Variants in STK32B observed in about 807,000 individuals in gnomAD.
The protein encoded by STK32B is serine/threonine kinase 32B, also known as serine/threonine-protein kinase 32B.
A neutral mutation model predicts 52.6 loss-of-function variants in STK32B; 43 were observed. The ratio of observed to expected loss-of-function variants is 0.82; its 90% confidence interval spans 0.64 to 1.05. The LOEUF is 1.05. STK32B is among the 50% of genes least tolerant of loss of function. The probability of loss-of-function intolerance (pLI) is 0.00; values close to 1 mark genes in which losing one functional copy is unlikely to be tolerated. For synonymous variants in STK32B, 238 were observed against 204.3 expected (o/e 1.17, Z -1.41); for missense variants, 621 against 534.6 (o/e 1.16, Z -1.59).
intron 3 of STK32B, among the ~76,000 whole-genome samples, chr4:5,210,594 G>C (rs1722848693): frequency 6.6e-6 from 1 of 152,024 alleles, no homozygotes; most frequent in African/African-American, 2.4e-5. Flanking sequence ...TCCCTTACTA[G>C]ACTTCAAATT....
Position 5,485,487 on chromosome 4 carries a change from G to A in STK32B, c.1107-13458G>A, listed in dbSNP as rs181683168. Among the ~76,000 whole-genome samples the A allele has an allele frequency of 1.1e-3, 170 of 152,166 alleles. 1 individual carries two copies. Among genetic ancestry groups the A allele is most frequent in the African/African-American group, 3.7e-3 (155 of 41,508 alleles). On this transcript the variant is annotated intron_variant, in intron 11 of 11. Coordinates refer to ENST00000282908, the MANE Select transcript of STK32B (RefSeq NM_018401.3). ...TATTGGTTATTCTACTTAGCCATTC[G>A]TCTAATTTTTTTCAAGGTTTTTAAC...
chr4:5,466,762 GCCA>G lies in STK32B; in HGVS notation c.971_973del (p.Pro324del), dbSNP rs767753269. 1 of 1,614,074 alleles carries G rather than the reference GCCA, an allele frequency of 6.2e-7. No individual in the cohort carries two copies. Among genetic ancestry groups the G allele is most frequent in the Non-Finnish European group, 8.5e-7 (1 of 1,179,980 alleles). ...TTGAAGAGATGATTCTAGAATCCAA[GCCA>G]CTTCACAAAAAGAAGAAGCGATTGG... On this transcript the variant is annotated inframe_deletion, in exon 10 of 12. Coordinates refer to ENST00000282908, the MANE Select transcript of STK32B (RefSeq NM_018401.3).
intron 3 of STK32B, among the ~76,000 whole-genome samples, chr4:5,279,693 C>T (rs1427769112): frequency 3.9e-5 from 6 of 152,152 alleles, no homozygotes; most frequent in African/African-American, 9.7e-5. Context: ...ATGAGGGCTC[C>T]GCCAGGTGTT....
At chr4:5,093,798 T>C (rs1027991313) in intron 1 of STK32B, among the ~76,000 whole-genome samples, 2 of 152,244 alleles carry the variant, frequency 1.3e-5, no homozygotes, top group African/African-American at 4.8e-5. Flanking sequence ...AATAGTGATC[T>C]CTTGTAGTTC....
rs574468939 is a variant in STK32B at position 5,488,925 on chromosome 4, ATTC to A, written c.1107-10017_1107-10015del. On this transcript the variant is annotated intron_variant, in intron 11 of 11. Transcript: ENST00000282908. The stretch of plus-strand genomic sequence containing the variant: ...GAATATATTTTATGTCTGTCTTATA[ATTC>A]TTATTAAAAACTTCATATTTTTATA... 3.6e-3 allele frequency among the ~76,000 whole-genome samples: 543 copies of A among 152,172 alleles called. 8 individuals carry two copies. The highest frequency in any genetic ancestry group is 0.012 in the African/African-American group (513 of 41,570).
intron 6 of STK32B, among the ~76,000 whole-genome samples, chr4:5,422,390 A>C (rs1043280003): frequency 6.6e-6 from 1 of 152,210 alleles, no homozygotes; most frequent in Non-Finnish European, 1.5e-5. Context: ...AATGTTCCCA[A>C]CACAGATTCA....
chr4:5,249,922 A>G (rs928163552), intron 3 of STK32B, among the ~76,000 whole-genome samples: 2 of 152,154 alleles, frequency 1.3e-5, no homozygotes, highest in African/African-American at 4.8e-5. Context: ...CCCACCCTCA[A>G]GGAGGCGCTG....
chr4:5,149,793 G>A (rs1717197130), intron 2 of STK32B, among the ~76,000 whole-genome samples: 1 of 151,698 alleles, frequency 6.6e-6, no homozygotes, highest in Non-Finnish European at 1.5e-5. Flanking sequence ...TAAAAATTAG[G>A]AGGAAAATAG....
intron 4 of STK32B, among the ~76,000 whole-genome samples, chr4:5,338,134 G>A (rs1732828182): frequency 6.6e-6 from 1 of 152,332 alleles, no homozygotes; most frequent in Admixed American, 6.5e-5. Context: ...AACAAAATGT[G>A]TTTGTAAAAG....
At chr4:5,054,914 A>G (rs1428512775) in intron 1 of STK32B, among the ~76,000 whole-genome samples, 1 of 152,190 alleles carries the variant, frequency 6.6e-6, no homozygotes, top group Non-Finnish European at 1.5e-5. Flanking sequence ...CGCTCACATG[A>G]TATATAATAA....
At chr4:5,299,497 A>T (rs1024066303) in intron 3 of STK32B, among the ~76,000 whole-genome samples, 1 of 152,020 alleles carries the variant, frequency 6.6e-6, no homozygotes, top group African/African-American at 2.4e-5. Flanking sequence ...TACCCAATTT[A>T]TCCAGCACCA....
rs552296428 is a variant in STK32B at position 5,182,461 on chromosome 4, T to C, written c.260+14011T>C. Among the ~76,000 whole-genome samples the C allele has an allele frequency of 1.0e-3, 152 of 152,074 alleles. 2 individuals are homozygous for C. Among genetic ancestry groups the C allele is most frequent in the South Asian group, 1.0e-2 (48 of 4,810 alleles). On this transcript the variant is annotated intron_variant, in intron 3 of 11. Coordinates refer to ENST00000282908, the MANE Select transcript of STK32B (RefSeq NM_018401.3). Reference sequence around the variant, plus strand: ...AGCCTTACAAAATGTCCTTTTTTTTTCCTTTTTTTTTGTTTTTTGAGACAG... The same window carrying C: ...AGCCTTACAAAATGTCCTTTTTTTTCCCTTTTTTTTTGTTTTTTGAGACAG...
At chr4:5,372,597 A>T (rs1333842303) in intron 4 of STK32B, among the ~76,000 whole-genome samples, 1 of 152,148 alleles carries the variant, frequency 6.6e-6, no homozygotes, top group Non-Finnish European at 1.5e-5. Flanking sequence ...GGAGAAGATG[A>T]CAACTCTGTT....
At position 5,391,355 on chromosome 4, in the gene STK32B, C is replaced by T. The variant is rs775869183; in HGVS notation, c.435-6852C>T. 3.6e-4 allele frequency among the ~76,000 whole-genome samples: 55 copies of T among 152,178 alleles called. 2 individuals carry two copies. The highest frequency in any genetic ancestry group is 7.3e-5 in the Non-Finnish European group (5 of 68,030). ...TTAACTTAGATGCAAGACAGAACTA[C>T]CTTACTAGCCAAGTAACAGTTTTCT... On this transcript the variant is annotated intron_variant, in intron 4 of 11. Transcript: ENST00000282908.
chr4:5,426,074 GTTT>G (rs1713064718), intron 6 of STK32B, among the ~76,000 whole-genome samples: 1 of 152,166 alleles, frequency 6.6e-6, no homozygotes, highest in African/African-American at 2.4e-5. Context: ...TTGCATACAG[GTTT>G]TATATGAGCT....
rs535854633 is a variant in STK32B at position 5,372,775 on chromosome 4, G to A, written c.435-25432G>A. ...AGGTCCAGCTCTTCCTTTCTGCCAC[G>A]CATCAGTATTTCTTTCTTGAATTCA... On this transcript the variant is annotated intron_variant, in intron 4 of 11. Transcript: ENST00000282908. Among the ~76,000 whole-genome samples the A allele has an allele frequency of 2.1e-3, 317 of 151,280 alleles. 1 individual carries two copies. The highest frequency in any genetic ancestry group is 7.4e-3 in the African/African-American group (304 of 41,092).
At chr4:5,126,467 C>G (rs1715370116) in intron 1 of STK32B, among the ~76,000 whole-genome samples, 1 of 152,238 alleles carries the variant, frequency 6.6e-6, no homozygotes, top group South Asian at 2.1e-4. Context: ...TCTAGGGTGT[C>G]TTCGCCAGGA....
intron 1 of STK32B, among the ~76,000 whole-genome samples, chr4:5,133,719 A>G (rs886448603): frequency 2.0e-5 from 3 of 152,172 alleles, no homozygotes; most frequent in African/African-American, 7.2e-5. Flanking sequence ...GAAGAAACTG[A>G]GATTCTGAGA....
chr4:5,341,446 C>A (rs1174308343), intron 4 of STK32B, among the ~76,000 whole-genome samples: 2 of 152,150 alleles, frequency 1.3e-5, no homozygotes, highest in African/African-American at 4.8e-5. Flanking sequence ...ACCGAGTGTC[C>A]CTGACCACAT....
Sources: gnomAD v4.1 joint callset for allele counts (sites outside exome capture counted in the v4.1 genomes callset) on GRCh38, gnomAD v4.1.1 for gene constraint, MANE v1.5 for transcripts, NCBI Gene and HGNC (gene_info 2026-07-23, HGNC 2026-07-21) for gene names.